RSPH14: variants seen among roughly 807,000 people sequenced by gnomAD.
RSPH14 encodes the protein rhabdoid tumor deletion region gene 1.
RSPH14 carries 20 observed loss-of-function variants against 26.7 expected under a neutral mutation model. That is an observed-to-expected ratio of 0.75 (90% CI 0.53 to 1.09). The LOEUF (loss-of-function observed/expected upper bound fraction) is 1.09. Ranked by LOEUF, RSPH14 falls within the 50% of genes least tolerant of loss-of-function variation. The pLI is 0.00. For synonymous variants in RSPH14, 177 were observed against 189.3 expected, an observed-to-expected ratio of 0.93 and a Z score of 0.53; for missense variants, 449 against 457.2, an observed-to-expected ratio of 0.98 and a Z score of 0.16.
At chr22:23,096,938 T>G (rs904959291) in intron 4 of RSPH14, among the ~76,000 whole-genome samples, 4 of 152,170 alleles carry the variant, frequency 2.6e-5, no homozygotes, top group Non-Finnish European at 4.4e-5. Context: ...GGACCCAGTG[T>G]GAAGCGGTGG....
chr22:23,136,811 C>T (rs2146447427), intron 3 of RSPH14, among the ~76,000 whole-genome samples: 1 of 138,850 alleles, frequency 7.2e-6, no homozygotes, highest in South Asian at 2.3e-4. Flanking sequence ...GAGGAAAAAC[C>T]AGCAAGAAAG....
At chr22:23,162,197 A>T in the RSPH14 span, 1 of 194,552 alleles carries the variant, frequency 5.1e-6, no homozygotes, top group Non-Finnish European at 1.1e-5. Context: ...AATGTCTCTT[A>T]GACCTGTTCT....
intron 4 of RSPH14, among the ~76,000 whole-genome samples, chr22:23,088,104 A>G (rs1055559339): frequency 1.3e-5 from 2 of 152,248 alleles, no homozygotes; most frequent in Non-Finnish European, 2.9e-5. Context: ...TAGAAGCAAG[A>G]TGGAGTCAGT....
intron 4 of RSPH14, among the ~76,000 whole-genome samples, chr22:23,129,777 G>A (rs1444166235): frequency 6.6e-6 from 1 of 151,794 alleles, no homozygotes; most frequent in African/African-American, 2.4e-5. Context: ...AAAATTAGCT[G>A]GGCATGGTGG....
the RSPH14 span, among the ~76,000 whole-genome samples, chr22:23,156,660 A>T: frequency 1.1e-4 from 16 of 152,376 alleles, no homozygotes; most frequent in Non-Finnish European, 1.3e-4. Context: ...TAAGGCACCG[A>T]TATGTCTACT....
intron 4 of RSPH14, among the ~76,000 whole-genome samples, chr22:23,093,435 G>A (rs1020304383): frequency 5.3e-5 from 8 of 152,220 alleles, no homozygotes; most frequent in African/African-American, 1.9e-4. Context: ...ACGAGGCCAG[G>A]ACGGGCCCTC....
At chr22:23,116,937 CTG>C (rs2146382704) in intron 4 of RSPH14, among the ~76,000 whole-genome samples, 1 of 152,312 alleles carries the variant, frequency 6.6e-6, no homozygotes, top group African/African-American at 2.4e-5. Flanking sequence ...GAGGATGCCT[CTG>C]TTCCCTCTCC....
At chr22:23,083,559 G>A (rs1405510737) in intron 4 of RSPH14, among the ~76,000 whole-genome samples, 1 of 152,192 alleles carries the variant, frequency 6.6e-6, no homozygotes, top group Non-Finnish European at 1.5e-5. Flanking sequence ...GGGAAGCAGA[G>A]CTGGTGCTTG....
intron 4 of RSPH14, among the ~76,000 whole-genome samples, chr22:23,065,313 C>T (rs1281052526): frequency 6.6e-6 from 1 of 151,922 alleles, no homozygotes; most frequent in Non-Finnish European, 1.5e-5. Context: ...GCTCTTACCG[C>T]CCCCCACCAT....
intron 4 of RSPH14, among the ~76,000 whole-genome samples, chr22:23,068,616 G>T (rs1946351177): frequency 6.6e-6 from 1 of 152,244 alleles, no homozygotes; most frequent in African/African-American, 2.4e-5. Context: ...TGGACCACTG[G>T]AAAGGGCCAT....
the RSPH14 span, chr22:23,152,375 G>A: frequency 7.1e-7 from 1 of 1,399,336 alleles, no homozygotes; most frequent in South Asian, 1.2e-5. Context: ...CTCACCAGCA[G>A]AGAGCTCAGG....
At chr22:23,162,914 C>T in the RSPH14 span, 2 of 303,682 alleles carry the variant, frequency 6.6e-6, no homozygotes, top group African/African-American at 2.3e-5. Flanking sequence ...ATATAAATGA[C>T]TTTTTTTTTT....
intron 4 of RSPH14, among the ~76,000 whole-genome samples, chr22:23,077,699 C>A (rs562832008): frequency 1.3e-5 from 2 of 152,070 alleles, no homozygotes; most frequent in Non-Finnish European, 2.9e-5. Context: ...CTGACCTTGG[C>A]TATGGAGCAG....
At chr22:23,159,167 G>A in the RSPH14 span, 1 of 1,611,284 alleles carries the variant, frequency 6.2e-7, no homozygotes, top group South Asian at 1.1e-5. Flanking sequence ...TCCCAGTCAG[G>A]GGCCGCATGT....
chr22:23,103,234 G>A (rs1233018059), intron 4 of RSPH14, among the ~76,000 whole-genome samples: 2 of 152,164 alleles, frequency 1.3e-5, no homozygotes, highest in African/African-American at 2.4e-5. Flanking sequence ...AGCCAGGTAG[G>A]AGTAATCACA....
In RSPH14 at chr22:23,136,747, C is replaced by T. The variant is rs565374531; in HGVS notation, c.302+2093G>A. Among the ~76,000 whole-genome samples the T allele has an allele frequency of 2.9e-5, 4 of 139,408 alleles. 1 individual carries two copies. Among genetic ancestry groups the T allele is most frequent in the Admixed American group, 1.5e-4 (2 of 13,138 alleles). The allele number at this position is 139,408 out of a possible 152,430, so 91.5% of individuals were successfully genotyped here. ...AGGGACCTGTCCTCTCAGCATCTGT[C>T]CCCCCTAACTGGGGATTACTACCTA... is the stretch of plus-strand genomic sequence containing the variant. On this transcript the variant is annotated intron_variant, in intron 3 of 6. Coordinates refer to ENST00000216036, the MANE Select transcript of RSPH14 (RefSeq NM_014433.3).
Position 23,064,042 on chromosome 22 carries a change from G to A in RSPH14, c.513C>T (p.Ile171=), listed in dbSNP as rs751311497. The change falls in exon 5 of 7, where the codon ATC becomes ATT. Residue 171 remains isoleucine (I), a synonymous_variant. Coordinates refer to ENST00000216036, the MANE Select transcript of RSPH14 (RefSeq NM_014433.3). ...GCAGGCAGAGGACCAGTGTGTCCAGGATGAACTCCTGGAACTCCTCCTCCT... is the reference window on the plus strand; with the variant it reads ...GCAGGCAGAGGACCAGTGTGTCCAGAATGAACTCCTGGAACTCCTCCTCCT... ...EVEEEEFQEF[I]LDTLVLCLQE... is the part of the protein sequence containing the mutation. 12 of 1,614,056 alleles carry A rather than the reference G, an allele frequency of 7.4e-6. No homozygotes were observed. In the South Asian group the frequency reaches 1.3e-4, roughly 18 times the overall value.
At chr22:23,148,977 G>C (rs370497886), upstream of RSPH14, among the ~76,000 whole-genome samples, 5 of 152,324 alleles carry the variant, frequency 3.3e-5, no homozygotes, top group East Asian at 5.8e-4. Context: ...GAGCATCCCT[G>C]TTTAATATTT....
chr22:23,146,809 C>T, upstream of RSPH14: 1 of 1,420,842 alleles, frequency 7.0e-7, no homozygotes, highest in Non-Finnish European at 9.2e-7. Flanking sequence ...GTCAGATTTA[C>T]CTTGAGGAGC....
Sources: gnomAD v4.1 joint callset for allele counts (sites outside exome capture counted in the v4.1 genomes callset) on GRCh38, gnomAD v4.1.1 for gene constraint, MANE v1.5 for transcripts, NCBI Gene and HGNC (gene_info 2026-07-23, HGNC 2026-07-21) for gene names.